BABAM2: variants seen among roughly 807,000 people sequenced by gnomAD.
BABAM2 encodes the protein BRISC and BRCA1 A complex member 2.
In BABAM2, 31 loss-of-function variants were observed where a neutral mutation model predicts 54.7. The observed-to-expected ratio is 0.57, with a 90% confidence interval of 0.43 to 0.77. BABAM2 has a LOEUF of 0.77. BABAM2 is among the 30% of genes least tolerant of loss of function. The pLI is 0.00. For missense variants in BABAM2, 364 were observed against 455.8 expected, an observed-to-expected ratio of 0.80 and a Z score of 1.83; for synonymous variants, 167 against 162.9, an observed-to-expected ratio of 1.03 and a Z score of -0.19.
At chr2:28,316,275 T>G (rs1689546785) in intron 11 of BABAM2, among the ~76,000 whole-genome samples, 1 of 152,078 alleles carries the variant, frequency 6.6e-6, no homozygotes, top group Non-Finnish European at 1.5e-5. Flanking sequence ...GCCTTGTCTC[T>G]CGGGTGATAA....
At chr2:27,946,650 C>CGA (rs1260148094) in intron 3 of BABAM2, among the ~76,000 whole-genome samples, 1 of 147,220 alleles carries the variant, frequency 6.8e-6, no homozygotes, top group African/African-American at 2.5e-5. Context: ...GAAAGAGAGG[C>CGA]GAGAGAGAGA....
At chr2:27,939,391 T>C (rs982782525) in intron 3 of BABAM2, among the ~76,000 whole-genome samples, 3 of 152,248 alleles carry the variant, frequency 2.0e-5, no homozygotes, top group Non-Finnish European at 4.4e-5. Flanking sequence ...ATCTTTAGTC[T>C]CTAGCACAGT....
intron 2 of BABAM2, among the ~76,000 whole-genome samples, chr2:27,898,798 A>G (rs998082538): frequency 3.3e-5 from 5 of 152,148 alleles, no homozygotes; most frequent in Non-Finnish European, 5.9e-5. Flanking sequence ...ATCAGAAGTG[A>G]CTGCTTGAGT....
chr2:27,962,314 TAG>T, intron 3 of BABAM2, among the ~76,000 whole-genome samples: 1 of 152,228 alleles, frequency 6.6e-6, no homozygotes, highest in Middle Eastern at 3.4e-3. Context: ...CTTTATTGCC[TAG>T]GGTGGTCTCT....
chr2:28,316,593 C>T (rs529279173), intron 11 of BABAM2, among the ~76,000 whole-genome samples: 1 of 152,304 alleles, frequency 6.6e-6, no homozygotes, highest in South Asian at 2.1e-4. Context: ...AACATTCCCA[C>T]AGTCAATTGG....
At chr2:28,243,138 A>G (rs2148073802) in intron 9 of BABAM2, among the ~76,000 whole-genome samples, 1 of 152,294 alleles carries the variant, frequency 6.6e-6, no homozygotes, top group Middle Eastern at 3.4e-3. Flanking sequence ...TGCATGTAGT[A>G]CAGTAGTATA....
chr2:28,161,877 A>G (rs775490896), intron 7 of BABAM2, among the ~76,000 whole-genome samples: 5 of 152,000 alleles, frequency 3.3e-5, no homozygotes, highest in Non-Finnish European at 7.4e-5. Context: ...ATCTTTAATT[A>G]TTTTATTTAG....
At chr2:27,945,317 C>T (rs1191135160) in intron 3 of BABAM2, among the ~76,000 whole-genome samples, 1 of 152,090 alleles carries the variant, frequency 6.6e-6, no homozygotes, top group Non-Finnish European at 1.5e-5. Flanking sequence ...GCATGAGCTA[C>T]CATGCCTGGC....
At chr2:28,245,995 C>T (rs111654541) in intron 10 of BABAM2, among the ~76,000 whole-genome samples, 1,786 of 152,238 alleles carry the variant, frequency 0.012, 11 homozygotes, top group Middle Eastern at 0.027. Context: ...AAGAAGAAAA[C>T]GTCTAAGTAA....
intron 6 of BABAM2, among the ~76,000 whole-genome samples, chr2:28,103,923 C>G (rs1204787528): frequency 1.3e-5 from 2 of 152,188 alleles, no homozygotes; most frequent in African/African-American, 4.8e-5. Context: ...TTATACTCCT[C>G]CTATGTCATT....
At chr2:28,038,756 T>A (rs879847314) in intron 5 of BABAM2, among the ~76,000 whole-genome samples, 5 of 152,224 alleles carry the variant, frequency 3.3e-5, no homozygotes, top group Admixed American at 6.5e-5. Context: ...GGTGTATATG[T>A]ACCACATTTT....
At chr2:28,108,290 C>T (rs1406198633) in intron 6 of BABAM2, among the ~76,000 whole-genome samples, 3 of 152,164 alleles carry the variant, frequency 2.0e-5, no homozygotes, top group Non-Finnish European at 4.4e-5. Flanking sequence ...GAACTTGTCT[C>T]ATTCAAGTTG....
intron 5 of BABAM2, among the ~76,000 whole-genome samples, chr2:28,039,962 A>C (rs909695977): frequency 6.7e-6 from 1 of 150,364 alleles, no homozygotes; most frequent in Non-Finnish European, 1.5e-5. Context: ...GGACTGACAA[A>C]AAAAAAAAAT....
chr2:28,068,110 T>C (rs1319520138), intron 6 of BABAM2, among the ~76,000 whole-genome samples: 1 of 151,926 alleles, frequency 6.6e-6, no homozygotes, highest in African/African-American at 2.4e-5. Flanking sequence ...AAAAGAAACA[T>C]AAAAGGGAAT....
At chr2:28,320,799 G>A (rs1301474429) in intron 11 of BABAM2, among the ~76,000 whole-genome samples, 2 of 152,172 alleles carry the variant, frequency 1.3e-5, no homozygotes, top group African/African-American at 2.4e-5. Flanking sequence ...TCCAAGTCCC[G>A]CTCTGCCTTT....
At chr2:28,012,910 C>T (rs556054203) in intron 4 of BABAM2, among the ~76,000 whole-genome samples, 13 of 152,256 alleles carry the variant, frequency 8.5e-5, no homozygotes, top group African/African-American at 2.9e-4. Context: ...CTCCACTTCT[C>T]TCCCACCTTT....
At chr2:27,932,904 A>G (rs1573200355) in intron 3 of BABAM2, among the ~76,000 whole-genome samples, 1 of 152,334 alleles carries the variant, frequency 6.6e-6, no homozygotes, top group East Asian at 1.9e-4. Flanking sequence ...CAATTTGCTA[A>G]ACTTTCTCAT....
intron 6 of BABAM2, among the ~76,000 whole-genome samples, chr2:28,115,624 CAAAAAATAAATAAA>C (rs1246502644): frequency 1.0e-4 from 15 of 150,284 alleles, no homozygotes; most frequent in African/African-American, 3.7e-4. Context: ...AGAATCGTCT[CAAAAAATAAATAAA>C]TAAAAATAAA....
At chr2:28,288,821 C>T (rs890722297) in intron 10 of BABAM2, among the ~76,000 whole-genome samples, 2 of 152,162 alleles carry the variant, frequency 1.3e-5, no homozygotes, top group African/African-American at 2.4e-5. Flanking sequence ...CTGCGTGACA[C>T]CGCGTGTGTG....
Sources: gnomAD v4.1 joint callset for allele counts (sites outside exome capture counted in the v4.1 genomes callset) on GRCh38, gnomAD v4.1.1 for gene constraint, MANE v1.5 for transcripts, NCBI Gene and HGNC (gene_info 2026-07-23, HGNC 2026-07-21) for gene names.